Variants in FGD4 observed in about 807,000 individuals in gnomAD.
The protein encoded by FGD4 is FYVE, RhoGEF and PH domain-containing protein 4.
FGD4 carries 42 observed loss-of-function variants against 102.0 expected under a neutral mutation model. That is an observed-to-expected ratio of 0.41 (90% CI 0.32 to 0.53). FGD4 has a LOEUF of 0.53. Ranked by LOEUF, FGD4 falls within the 20% of genes least tolerant of loss-of-function variation. The pLI is 0.21. For missense variants in FGD4, 902 were observed against 1,078.2 expected, an observed-to-expected ratio of 0.84 and a Z score of 2.29; for synonymous variants, 380 against 375.7, an observed-to-expected ratio of 1.01 and a Z score of -0.13.
chr12:32,423,861 G>GT (rs200097919), intron 1 of FGD4, among the ~76,000 whole-genome samples: 243 of 139,914 alleles, frequency 1.7e-3, no homozygotes, highest in South Asian at 3.5e-3. Context: ...TGGTGGGAGT[G>GT]TTTTTTTTTT....
chr12:32,638,020 C>CT (rs1565938947), intron 15 of FGD4, among the ~76,000 whole-genome samples: 1 of 152,046 alleles, frequency 6.6e-6, no homozygotes, highest in Non-Finnish European at 1.5e-5. Context: ...TGCCTTTTTG[C>CT]TTTTATATTC....
rs1052554461 is a variant in FGD4 at position 32,591,022 on chromosome 12, A to G, written c.1012-7475A>G. Among the ~76,000 whole-genome samples the G allele has an allele frequency of 2.0e-5, 3 of 152,254 alleles. No individual in the cohort carries two copies. The East Asian group carries it at 5.8e-4, about 29-fold the overall frequency. On this transcript the variant is annotated intron_variant, in intron 4 of 16. Coordinates refer to ENST00000534526, the MANE Select transcript of FGD4 (RefSeq NM_001370298.3). Reference sequence around the variant, plus strand: ...TTTGTGACAAGACATATAAAATGACATATCAAAGTGTTGATGCATCTGATA... The same window carrying G: ...TTTGTGACAAGACATATAAAATGACGTATCAAAGTGTTGATGCATCTGATA...
chr12:32,437,125 G>A (rs1942258075), intron 1 of FGD4, among the ~76,000 whole-genome samples: 1 of 144,022 alleles, frequency 6.9e-6, no homozygotes, highest in Non-Finnish European at 1.6e-5. Context: ...AAAAAAAAAA[G>A]GGAAAAAGAA....
chr12:32,522,554 T>TGAG (rs1251410211), intron 1 of FGD4, among the ~76,000 whole-genome samples: 5 of 152,230 alleles, frequency 3.3e-5, no homozygotes, highest in Non-Finnish European at 1.5e-5. Flanking sequence ...TTATCCTTTG[T>TGAG]GTGACCTGGC....
chr12:32,610,757 T>C lies in FGD4; in HGVS notation c.1544-19T>C. On this transcript the variant is annotated intron_variant, in intron 8 of 16. Coordinates refer to ENST00000534526, the MANE Select transcript of FGD4 (RefSeq NM_001370298.3). ...AAGGACAAAGCATATTTATTTACTT[T>C]TCTTTTTTTCCCATTTAGAATCACT... The C allele has an allele frequency of 6.2e-7, 1 of 1,604,860 alleles. No homozygotes were observed. Among genetic ancestry groups the C allele is most frequent in the Non-Finnish European group, 8.5e-7 (1 of 1,173,260 alleles).
chr12:32,452,932 G>A (rs1358189622), intron 1 of FGD4, among the ~76,000 whole-genome samples: 1 of 151,938 alleles, frequency 6.6e-6, no homozygotes, highest in African/African-American at 2.4e-5. Context: ...AGGGTGCAAT[G>A]AGCAGTGATT....
intron 14 of FGD4, among the ~76,000 whole-genome samples, chr12:32,633,266 G>A (rs965476854): frequency 6.6e-6 from 1 of 152,118 alleles, no homozygotes; most frequent in Non-Finnish European, 1.5e-5. Context: ...TTCGTGAGCA[G>A]TTTGGAAAGG....
At chr12:32,563,737 A>G (rs1366129609) in intron 1 of FGD4, among the ~76,000 whole-genome samples, 2 of 152,160 alleles carry the variant, frequency 1.3e-5, no homozygotes, top group African/African-American at 2.4e-5. Context: ...ACCAGACTCC[A>G]TCTGCAATCC....
At chr12:32,602,354 A>G (rs752910859) in intron 7 of FGD4, 37 bp downstream of exon 7, 4 of 1,611,318 alleles carry the variant, frequency 2.5e-6, no homozygotes, top group Admixed American at 1.7e-5. Flanking sequence ...ATGAATTACT[A>G]TTTCCATACA....
intron 4 of FGD4, among the ~76,000 whole-genome samples, chr12:32,587,713 G>A (rs1947162652): frequency 6.6e-6 from 1 of 152,090 alleles, no homozygotes; most frequent in Admixed American, 6.6e-5. Flanking sequence ...AAACTCTCCA[G>A]GCCATGGCTT....
At chr12:32,609,235 C>G (rs1200063092) in intron 8 of FGD4, among the ~76,000 whole-genome samples, 2 of 152,142 alleles carry the variant, frequency 1.3e-5, no homozygotes, top group African/African-American at 4.8e-5. Flanking sequence ...TGACTCTGAC[C>G]ACAGAAACTT....
intron 1 of FGD4, among the ~76,000 whole-genome samples, chr12:32,543,314 G>T (rs1478426508): frequency 2.0e-5 from 3 of 152,130 alleles, no homozygotes; most frequent in African/African-American, 7.2e-5. Flanking sequence ...CCCTGCACAT[G>T]GATGTATTCA....
intron 1 of FGD4, among the ~76,000 whole-genome samples, chr12:32,452,711 G>A (rs184085605): frequency 7.2e-5 from 11 of 152,260 alleles, no homozygotes; most frequent in African/African-American, 1.7e-4. Flanking sequence ...TAAGTGGGGC[G>A]CAGTGGCTCA....
chr12:32,435,480 G>T (rs950082), intron 1 of FGD4, among the ~76,000 whole-genome samples: 50,452 of 146,488 alleles, frequency 0.34, 9,348 homozygotes, highest in African/African-American at 0.51. Flanking sequence ...CTCAATAAAT[G>T]CTAGCTACAA....
In FGD4 at chr12:32,418,679, C is replaced by T. The variant is rs369046455; in HGVS notation, c.166+18720C>T. ...TCAGACCCGAAGCCAGGATAGCACTCGATCTTGCCCAAGGCCCGGTGTAAC... is the reference window on the plus strand; with the variant it reads ...TCAGACCCGAAGCCAGGATAGCACTTGATCTTGCCCAAGGCCCGGTGTAAC... On this transcript the variant is annotated intron_variant, in intron 1 of 16. Coordinates refer to ENST00000534526, the MANE Select transcript of FGD4 (RefSeq NM_001370298.3). 1.2e-4 allele frequency among the ~76,000 whole-genome samples: 19 copies of T among 152,248 alleles called. No homozygotes were observed. The East Asian group carries it at 2.7e-3, about 22-fold the overall frequency.
chr12:32,412,848 G>A (rs940102794), intron 1 of FGD4, among the ~76,000 whole-genome samples: 2 of 149,516 alleles, frequency 1.3e-5, no homozygotes, highest in Admixed American at 1.3e-4. Context: ...CTAAAGTTCT[G>A]GGATTACAGG....
chr12:32,579,812 T>C (rs553643812), intron 3 of FGD4, among the ~76,000 whole-genome samples: 2 of 152,320 alleles, frequency 1.3e-5, no homozygotes, highest in African/African-American at 4.8e-5. Flanking sequence ...CCCTACTCAA[T>C]TTATCCTTTC....
intron 1 of FGD4, among the ~76,000 whole-genome samples, chr12:32,559,801 A>T (rs11052068): frequency 0.36 from 54,716 of 152,148 alleles, 12,458 homozygotes; most frequent in African/African-American, 0.64. Context: ...ACTGTCAAAC[A>T]TTTTTCATAT....
intron 1 of FGD4, among the ~76,000 whole-genome samples, chr12:32,443,455 G>T (rs1425737308): frequency 6.6e-6 from 1 of 151,334 alleles, no homozygotes; most frequent in Admixed American, 6.6e-5. Context: ...GGCTCAAGCA[G>T]TCCTCCTGCG....
Sources: gnomAD v4.1 joint callset for allele counts (sites outside exome capture counted in the v4.1 genomes callset) on GRCh38, gnomAD v4.1.1 for gene constraint, MANE v1.5 for transcripts, NCBI Gene and HGNC (gene_info 2026-07-23, HGNC 2026-07-21) for gene names.